ZNF319: variants seen among roughly 807,000 people sequenced by gnomAD.
ZNF319 encodes zinc finger protein 319.
In ZNF319, 15 loss-of-function variants were observed where a neutral mutation model predicts 46.0. The ratio of observed to expected loss-of-function variants is 0.33; its 90% confidence interval spans 0.22 to 0.50. The LOEUF (loss-of-function observed/expected upper bound fraction) is 0.50, where lower values mean the gene tolerates loss of function less well. ZNF319 is among the 20% of genes least tolerant of loss of function. The pLI, the probability that ZNF319 is intolerant of heterozygous loss-of-function variation, is 0.98. For missense variants in ZNF319, 635 were observed against 807.0 expected, an observed-to-expected ratio of 0.79 and a Z score of 2.58; for synonymous variants, 368 against 364.0, an observed-to-expected ratio of 1.01 and a Z score of -0.13.
rs1963028862 is a variant in ZNF319 at position 57,996,928 on chromosome 16, G to A, written c.1338C>T (p.His446=). The change falls in exon 2 of 2, where the codon CAC becomes CAT. Residue 446 remains histidine, a synonymous_variant. Coordinates refer to ENST00000299237, the MANE Select transcript of ZNF319 (RefSeq NM_020807.3). ...CTGCCGCCGCACAGTGGGCCAGCTG[G>A]TGCTTCTGCAGGGCCGACGCGCGCT... ...AYKRASALQK[H]QLAHCAAAEK... 2 of 1,601,494 alleles carry A rather than the reference G, an allele frequency of 1.2e-6. No homozygotes were observed. Among genetic ancestry groups the A allele is most frequent in the African/African-American group, 2.7e-5 (2 of 74,916 alleles).
At chr16:57,999,121 G>T (rs1045032549) in intron 1 of ZNF319, among the ~76,000 whole-genome samples, 1 of 152,006 alleles carries the variant, frequency 6.6e-6, no homozygotes, top group Non-Finnish European at 1.5e-5. Flanking sequence ...TGACAGGATG[G>T]GTGGCCCTAC....
intron 1 of ZNF319, among the ~76,000 whole-genome samples, chr16:57,999,187 A>T (rs1963096028): frequency 6.6e-6 from 1 of 151,598 alleles, no homozygotes; most frequent in African/African-American, 2.4e-5. Flanking sequence ...AGAACCACCC[A>T]GGCTTGATGT....
At position 57,998,243 on chromosome 16, in the gene ZNF319, G is replaced by A. The variant is rs747359710; in HGVS notation, c.23C>T (p.Pro8Leu). 7.2e-6 allele frequency: 11 copies of A among 1,525,726 alleles called. No individual in the cohort carries two copies. The highest frequency in any genetic ancestry group is 4.5e-5 in the East Asian group (2 of 44,088). The allele number at this position is 1,525,726 out of a possible 1,614,324, so 94.5% of individuals were successfully genotyped here. A position where few individuals can be genotyped will look rare whatever the true frequency, so the allele number is the denominator to read the frequency against. ...TGGCTGCTGCGGCTGCGTCTGTGGC[G>A]GCTGTTGCCAGCTTTCCGACATGCT... MSESWQQ[P>L]PQTQPQQPQP... is the part of the protein sequence containing the mutation. Residue 8 changes from proline to leucine, a missense_variant, in exon 2 of 2, where the codon CCG (proline) becomes CTG (leucine). Around this residue, in one of 3 missense-constraint regions of ZNF319, gnomAD observed 227 missense variants for 277.5 expected, o/e 0.82. Transcript: ENST00000299237.
At position 57,997,564 on chromosome 16, in the gene ZNF319, C is replaced by T. The variant is rs1326045605; in HGVS notation, c.702G>A (p.Leu234=). Reference sequence around the variant, plus strand: ...ACGACTGGCTGAAGCTTTTGTCACACAGCGTGCACTTGTAGGGCTTCTCAC... The same window carrying T: ...ACGACTGGCTGAAGCTTTTGTCACATAGCGTGCACTTGTAGGGCTTCTCAC... ...HTGEKPYKCT[L]CDKSFSQSSH... is the part of the protein sequence containing the mutation. The change falls in exon 2 of 2, where the codon CTG becomes CTA. Residue 234 remains leucine (L), a synonymous_variant. Coordinates refer to ENST00000299237, the MANE Select transcript of ZNF319 (RefSeq NM_020807.3). The T allele has an allele frequency of 1.2e-6, 2 of 1,613,422 alleles. No homozygotes were observed. Among genetic ancestry groups the T allele is most frequent in the African/African-American group, 1.3e-5 (1 of 74,936 alleles).
intron 1 of ZNF319, among the ~76,000 whole-genome samples, chr16:57,999,028 G>C (rs548414811): frequency 2.0e-5 from 3 of 152,200 alleles, no homozygotes; most frequent in African/African-American, 7.2e-5. Flanking sequence ...TGGAACCAAG[G>C]ACCATTTCAA....
In ZNF319 at chr16:57,997,683, C is replaced by T; in HGVS notation, c.583G>A (p.Ala195Thr). Residue 195 changes from alanine to threonine, a missense_variant, in exon 2 of 2, where the codon GCT becomes ACT. Around this residue, in one of 3 missense-constraint regions of ZNF319, gnomAD observed 227 missense variants for 277.5 expected, o/e 0.82. Coordinates refer to ENST00000299237, the MANE Select transcript of ZNF319 (RefSeq NM_020807.3). ...AAPAPSTVTP[A>T]EQADKPYSCP... ...CTGTAGGGCTTGTCGGCCTGTTCAG[C>T]AGGGGTGACAGTGGAAGGCGCGGGT... 6.2e-7 allele frequency: 1 copy of T among 1,613,928 alleles called. No individual in the cohort carries two copies.
rs878958574 is a variant in ZNF319, at chr16:57,996,668, T to C, written c.1598A>G (p.Gln533Arg). 1.9e-6 allele frequency: 3 copies of C among 1,613,080 alleles called. No individual in the cohort carries two copies. Among genetic ancestry groups the C allele is most frequent in the Non-Finnish European group, 2.5e-6 (3 of 1,179,994 alleles). The stretch of plus-strand genomic sequence containing the variant: ...CTGCTGCTCGCGGGCGTGCACGCCC[T>C]GGTGCTTGTTGAGATGCTCCCGCTG... ...FKQREHLNKH[Q>R]GVHAREQQFK... is the part of the protein sequence containing the mutation. The change falls in exon 2 of 2, where the codon CAG (glutamine) becomes CGG (arginine). Residue 533 changes from glutamine to arginine, a missense_variant. Coordinates refer to ENST00000299237, the MANE Select transcript of ZNF319 (RefSeq NM_020807.3).
rs1399966600 is a variant in ZNF319 at position 57,996,473 on chromosome 16, C to T, written c.*44G>A. 4.1e-6 allele frequency: 6 copies of T among 1,462,308 alleles called. No homozygotes were observed. The highest frequency in any genetic ancestry group is 1.4e-5 in the South Asian group (1 of 72,856). 90.6% of individuals were successfully genotyped at this position (1,462,308 alleles called of 1,614,324 possible). A position where few individuals can be genotyped will look rare whatever the true frequency, so the allele number is the denominator to read the frequency against. Reference sequence around the variant, plus strand: ...GGCTGCGCGAGGCCTGCTGGGCCCACGGCGCCGACTCAGGTCAGGCTGGTA... The same window carrying T: ...GGCTGCGCGAGGCCTGCTGGGCCCATGGCGCCGACTCAGGTCAGGCTGGTA... On this transcript the variant is annotated 3_prime_UTR_variant, in exon 2 of 2. Transcript: ENST00000299237.
In ZNF319 at chr16:57,996,320, T is replaced by C; in HGVS notation, c.*197A>G. On this transcript the variant is annotated 3_prime_UTR_variant, in exon 2 of 2. Transcript: ENST00000299237. The stretch of plus-strand genomic sequence containing the variant: ...GCCACAGCAATCTGGCCGCCCGCAC[T>C]GCCCGCTGGTGCCAGGAGTACGAGC... The C allele has an allele frequency of 8.7e-7, 1 of 1,151,922 alleles. No individual in the cohort carries two copies. The highest frequency in any genetic ancestry group is 1.6e-5 in the African/African-American group (1 of 64,084). The allele number at this position is 1,151,922 out of a possible 1,614,324, so 71.4% of individuals were successfully genotyped here.
rs752156059 is a variant in ZNF319 at position 57,998,091 on chromosome 16, C to T, written c.175G>A (p.Gly59Ser). 24 of 1,607,498 alleles carry T rather than the reference C, an allele frequency of 1.5e-5. No individual in the cohort carries two copies. The highest frequency in any genetic ancestry group is 2.2e-5 in the East Asian group (1 of 44,820). The part of the protein sequence containing the change: ...VYGILLQPDP[G>S]LQPPQHAPLQ... ...GGTGCGTGTTGTGGGGGCTGCAGGC[C>T]GGGGTCTGGCTGCAGGAGGATGCCA... Residue 59 changes from glycine to serine, a missense_variant, in exon 2 of 2, where the codon GGC becomes AGC. Physicochemically the swap from Gly to Ser is moderately conservative, Grantham distance 56. Coordinates refer to ENST00000299237, the MANE Select transcript of ZNF319 (RefSeq NM_020807.3).
chr16:57,997,456 G>T lies in ZNF319; in HGVS notation c.810C>A (p.Arg270=), dbSNP rs1389438033. Residue 270 remains arginine, a synonymous_variant, in exon 2 of 2, where the codon CGC becomes CGA. Transcript: ENST00000299237. ...CGTACATGTGGCGCACCAGGTGAGA[G>T]CGGTGCTTGAAGGTCTTCTCGCAGA... ...CAVCEKTFKH[R]SHLVRHMYAH... 6.2e-7 allele frequency: 1 copy of T among 1,612,476 alleles called. No individual in the cohort carries two copies. Among genetic ancestry groups the T allele is most frequent in the South Asian group, 1.1e-5 (1 of 90,998 alleles).
intron 1 of ZNF319, among the ~76,000 whole-genome samples, chr16:57,999,246 C>CACACACACACAA (rs2142283955): frequency 6.7e-6 from 1 of 148,628 alleles, no homozygotes; most frequent in South Asian, 2.2e-4. Context: ...AACTCACACA[C>CACACACACACAA]ACACACACAC....
At position 57,996,483 on chromosome 16, in the gene ZNF319, T is replaced by C. The variant is rs1963015176; in HGVS notation, c.*34A>G. The C allele has an allele frequency of 6.8e-7, 1 of 1,475,502 alleles. No homozygotes were observed. Among genetic ancestry groups the C allele is most frequent in the East Asian group, 2.5e-5 (1 of 40,408 alleles). 91.4% of individuals were successfully genotyped at this position (1,475,502 alleles called of 1,614,324 possible). ...GGCCTGCTGGGCCCACGGCGCCGAC[T>C]CAGGTCAGGCTGGTAGGGGCCACAG... On this transcript the variant is annotated 3_prime_UTR_variant, in exon 2 of 2. Transcript: ENST00000299237.
rs1266898869 is a variant in ZNF319, at chr16:57,997,299, C to T, written c.967G>A (p.Ala323Thr). ...CGCAGGTCCGAGGGCCGCTTGAAGGCCTTCTGGCACTCGCCGCAGCGGAAG... is the reference window on the plus strand; with the variant it reads ...CGCAGGTCCGAGGGCCGCTTGAAGGTCTTCTGGCACTCGCCGCAGCGGAAG... ...RPFRCGECQK[A>T]FKRPSDLRQH... The change falls in exon 2 of 2, where the codon GCC becomes ACC. Residue 323 changes from alanine to threonine, a missense_variant. This residue lies in a region of ZNF319 where 138 missense variants were observed against 248.0 expected (regional missense o/e 0.56). Coordinates refer to ENST00000299237, the MANE Select transcript of ZNF319 (RefSeq NM_020807.3). The T allele has an allele frequency of 1.2e-6, 2 of 1,609,642 alleles. No individual in the cohort carries two copies. Among genetic ancestry groups the T allele is most frequent in the Non-Finnish European group, 1.7e-6 (2 of 1,179,538 alleles).
At chr16:57,999,239 TCACACA>T (rs60708700) in intron 1 of ZNF319, among the ~76,000 whole-genome samples, 14 of 145,760 alleles carry the variant, frequency 9.6e-5, no homozygotes, top group Middle Eastern at 3.4e-3. Flanking sequence ...CTCCCAGAAC[TCACACA>T]CACACACACA....
chr16:57,996,914 C>A lies in ZNF319; in HGVS notation c.1352G>T (p.Cys451Phe). The part of the protein sequence containing the change: ...SALQKHQLAH[C>F]AAAEKPLRCT... ...GCGCAGGGGCTTCTCTGCCGCCGCA[C>A]AGTGGGCCAGCTGGTGCTTCTGCAG... The change falls in exon 2 of 2, where the codon TGT (cysteine) becomes TTT (phenylalanine). Residue 451 changes from cysteine (C) to phenylalanine (F), a missense_variant. Around this residue, in one of 3 missense-constraint regions of ZNF319, gnomAD observed 270 missense variants for 281.4 expected, o/e 0.96. Transcript: ENST00000299237. 6.2e-7 allele frequency: 1 copy of A among 1,601,442 alleles called. No homozygotes were observed. Among genetic ancestry groups the A allele is most frequent in the Non-Finnish European group, 8.5e-7 (1 of 1,178,750 alleles).
chr16:57,996,884 G>T lies in ZNF319; in HGVS notation c.1382C>A (p.Thr461Lys). The T allele has an allele frequency of 6.2e-7, 1 of 1,602,794 alleles. No homozygotes were observed. Among genetic ancestry groups the T allele is most frequent in the South Asian group, 1.1e-5 (1 of 90,756 alleles). The change falls in exon 2 of 2, where the codon ACG becomes AAG. Residue 461 changes from threonine (T) to lysine (K), a missense_variant. Thr to Lys is a moderately conservative substitution (Grantham distance 78, BLOSUM62 -1). This residue lies in a region of ZNF319 where 270 missense variants were observed against 281.4 expected (regional missense o/e 0.96). Transcript: ENST00000299237. ...GGAGAAGAAGCGGCGTTCGCAAAGC[G>T]TGCAGCGCAGGGGCTTCTCTGCCGC... ...CAAAEKPLRC[T>K]LCERRFFSSS...
chr16:57,998,251 C>A lies in ZNF319; in HGVS notation c.15G>T (p.Trp5Cys). ...GCGGCTGCGTCTGTGGCGGCTGTTG[C>A]CAGCTTTCCGACATGCTTGGGAAGA... is the stretch of plus-strand genomic sequence containing the variant. The part of the protein sequence containing the change: MSES[W>C]QQPPQTQPQQ... The change falls in exon 2 of 2, where the codon TGG becomes TGT. Residue 5 changes from tryptophan (W) to cysteine (C), a missense_variant. Coordinates refer to ENST00000299237, the MANE Select transcript of ZNF319 (RefSeq NM_020807.3). 1 of 1,523,908 alleles carries A rather than the reference C, an allele frequency of 6.6e-7. No homozygotes were observed. The highest frequency in any genetic ancestry group is 1.3e-5 in the South Asian group (1 of 76,824). The allele number at this position is 1,523,908 out of a possible 1,614,324, so 94.4% of individuals were successfully genotyped here.
In ZNF319 at chr16:58,000,291, C is replaced by T. The variant is rs574945733; in HGVS notation, c.-1056G>A. 6.6e-6 allele frequency: 1 copy of T among 152,066 alleles called. No individual in the cohort carries two copies. The highest frequency in any genetic ancestry group is 1.5e-5 in the Non-Finnish European group (1 of 67,948). 9.4% of individuals were successfully genotyped at this position (152,066 alleles called of 1,614,324 possible). A position where few individuals can be genotyped will look rare whatever the true frequency, so the allele number is the denominator to read the frequency against. ...TGGGCCGCCCAGAAGCTCAAGAGGCCGCTAGGTCGCGGCGGAGGGGCGCGG... is the reference window on the plus strand; with the variant it reads ...TGGGCCGCCCAGAAGCTCAAGAGGCTGCTAGGTCGCGGCGGAGGGGCGCGG... On this transcript the variant is annotated 5_prime_UTR_variant, in exon 1 of 2. Transcript: ENST00000299237. The surrounding 1 kb of genome is among the most constrained non-coding windows in gnomAD (Gnocchi z 4.5).
Sources: gnomAD v4.1 joint callset for allele counts (sites outside exome capture counted in the v4.1 genomes callset) on GRCh38, gnomAD v4.1.1 for gene constraint, gnomAD v4.1.1 regional missense constraint, Gnocchi (gnomAD v3.1) non-coding constraint, MANE v1.5 for transcripts, NCBI Gene and HGNC (gene_info 2026-07-23, HGNC 2026-07-21) for gene names.